Variants in COL27A1 observed in about 807,000 individuals in gnomAD.
COL27A1 encodes the protein collagen alpha-1(XXVII) chain.
Under a neutral mutation model 251.3 loss-of-function variants are expected in COL27A1, and 106 were observed. That is an observed-to-expected ratio of 0.42 (90% CI 0.36 to 0.50). The LOEUF (loss-of-function observed/expected upper bound fraction) is 0.50. Among genes scored for constraint, COL27A1 ranks in the 20% least tolerant of loss-of-function variants. COL27A1 has a pLI of 0.00. For missense variants in COL27A1, 2,325 were observed against 2,522.8 expected (o/e 0.92, Z 1.68); for synonymous variants, 1,000 against 986.3 (o/e 1.01, Z -0.26).
At chr9:114,253,807 GTTATTAGCAGCA>G (rs1303343766) in intron 27 of COL27A1, among the ~76,000 whole-genome samples, 1 of 152,278 alleles carries the variant, frequency 6.6e-6, no homozygotes, top group African/African-American at 2.4e-5. Context: ...AAGCATTTTG[GTTATTAGCAGCA>G]TTATTGCTTT....
rs575021256 is a variant in COL27A1 at position 114,209,766 on chromosome 9, A to T, written c.2322+38A>T. 23 of 1,599,154 alleles carry T rather than the reference A, an allele frequency of 1.4e-5. No individual in the cohort carries two copies. The South Asian group carries it at 2.4e-4, about 17-fold the overall frequency. ...CTTTGGTTATTCACCATCCACAGCC[A>T]CCCCTGCCCAAACAGAGCAGAACCT... On this transcript the variant is annotated intron_variant, in intron 11 of 60. Transcript: ENST00000356083.
chr9:114,178,153 G>T, intron 3 of COL27A1, 138 bp from the exon 4 acceptor site: 1 of 663,644 alleles, frequency 1.5e-6, no homozygotes, highest in Non-Finnish European at 2.7e-6. Context: ...CTCAGGGCAG[G>T]GACCTCAGGG....
intron 2 of COL27A1, among the ~76,000 whole-genome samples, chr9:114,166,073 C>T (rs528860700): frequency 1.3e-5 from 2 of 151,994 alleles, no homozygotes; most frequent in Admixed American, 6.6e-5. Flanking sequence ...ACCATCCATC[C>T]AGCCAGTCAT....
chr9:114,278,714 A>G (rs1336214432), intron 37 of COL27A1, among the ~76,000 whole-genome samples: 2 of 151,306 alleles, frequency 1.3e-5, no homozygotes, highest in African/African-American at 4.9e-5. Flanking sequence ...TTTTGCCATC[A>G]CTCCCATTTC....
At chr9:114,248,730 T>C (rs1423296867) in intron 24 of COL27A1, among the ~76,000 whole-genome samples, 7 of 152,202 alleles carry the variant, frequency 4.6e-5, no homozygotes, top group Non-Finnish European at 1.0e-4. Flanking sequence ...ATGGCTCTTA[T>C]TCATTAGGAT....
In COL27A1 at chr9:114,209,578, C is replaced by T. The variant is rs567464593; in HGVS notation, c.2269-97C>T. 5.4e-5 allele frequency: 60 copies of T among 1,111,878 alleles called. No homozygotes were observed. In the South Asian group the frequency reaches 5.4e-4, roughly 10 times the overall value. The allele number at this position is 1,111,878 out of a possible 1,614,324, so 68.9% of individuals were successfully genotyped here. On this transcript the variant is annotated intron_variant, in intron 10 of 60. Coordinates refer to ENST00000356083, the MANE Select transcript of COL27A1 (RefSeq NM_032888.4). ...GCCACCAGGGAGGAAGAGGAGGAGC[C>T]GGGATGTGGGATGGCAGTGGTGGGT... is the stretch of plus-strand genomic sequence containing the variant.
At chr9:114,242,793 T>C (rs985021160) in intron 22 of COL27A1, among the ~76,000 whole-genome samples, 1 of 152,264 alleles carries the variant, frequency 6.6e-6, no homozygotes, top group Non-Finnish European at 1.5e-5. Context: ...AGACTTTAAA[T>C]GTATTTATTC....
intron 12 of COL27A1, among the ~76,000 whole-genome samples, chr9:114,216,088 C>G (rs1004673420): frequency 2.6e-5 from 4 of 152,326 alleles, no homozygotes; most frequent in Non-Finnish European, 5.9e-5. Context: ...TGGCGAGGAC[C>G]GTCCCTGTCC....
chr9:114,205,931 C>A (rs1829921000), intron 9 of COL27A1, 119 bp downstream of exon 9: 1 of 911,630 alleles, frequency 1.1e-6, no homozygotes, highest in Non-Finnish European at 1.7e-6. Flanking sequence ...GCTGGGTGGA[C>A]CCTAAGGAGG....
At chr9:114,263,823 C>T (rs889141309) in intron 28 of COL27A1, among the ~76,000 whole-genome samples, 4 of 152,186 alleles carry the variant, frequency 2.6e-5, no homozygotes, top group African/African-American at 9.7e-5. Context: ...TGGGCTCTTC[C>T]TCTGTGAGCT....
intron 49 of COL27A1, among the ~76,000 whole-genome samples, chr9:114,296,250 T>C (rs558750391): frequency 6.6e-6 from 1 of 152,292 alleles, no homozygotes; most frequent in East Asian, 1.9e-4. Flanking sequence ...AGGACACTAT[T>C]AAGAGAATGA....
At chr9:114,219,902 TTTTAGGAGCC>T in intron 13 of COL27A1, 58 bp downstream of exon 13, 1 of 1,310,638 alleles carries the variant, frequency 7.6e-7, no homozygotes, top group Non-Finnish European at 1.1e-6. Context: ...ACACAGCAGA[TTTTAGGAGCC>T]CACGCTTTAG....
chr9:114,162,687 G>A (rs763487462), intron 1 of COL27A1, 28 bp from the exon 2 acceptor site: 65 of 1,568,160 alleles, frequency 4.1e-5, no homozygotes, highest in South Asian at 2.9e-4. Flanking sequence ...AGCTGATGCC[G>A]CCTCTGCTTG....
intron 5 of COL27A1, 62 bp downstream of exon 5, chr9:114,183,137 T>A: frequency 6.7e-7 from 1 of 1,497,968 alleles, no homozygotes; most frequent in Non-Finnish European, 9.3e-7. Flanking sequence ...ATGTTTGCAG[T>A]GCTTCCCAGG....
At chr9:114,164,493 A>G (rs1240219551) in intron 2 of COL27A1, among the ~76,000 whole-genome samples, 1 of 152,194 alleles carries the variant, frequency 6.6e-6, no homozygotes, top group Non-Finnish European at 1.5e-5. Context: ...CACCCAGTGG[A>G]TAGGGGAAAC....
chr9:114,233,563 C>T (rs778660760), intron 16 of COL27A1, among the ~76,000 whole-genome samples: 3 of 152,150 alleles, frequency 2.0e-5, no homozygotes, highest in Non-Finnish European at 4.4e-5. Flanking sequence ...GAGACATCAG[C>T]GCTCTGGAAA....
intron 3 of COL27A1, among the ~76,000 whole-genome samples, chr9:114,173,020 A>G (rs1849428757): frequency 1.3e-5 from 2 of 152,216 alleles, no homozygotes; most frequent in South Asian, 4.1e-4. Flanking sequence ...AGGGCACGAG[A>G]GCAACTGGCA....
At chr9:114,215,381 G>C (rs1210395282) in intron 12 of COL27A1, among the ~76,000 whole-genome samples, 1 of 152,206 alleles carries the variant, frequency 6.6e-6, no homozygotes, top group Non-Finnish European at 1.5e-5. Context: ...GCTGTGAGCT[G>C]GGGGTGTGGT....
chr9:114,210,589 C>T (rs575014284), intron 11 of COL27A1, among the ~76,000 whole-genome samples: 1 of 152,184 alleles, frequency 6.6e-6, no homozygotes, highest in Non-Finnish European at 1.5e-5. Context: ...TTCTCACAGA[C>T]CCCTGGCCCA....
Sources: gnomAD v4.1 joint callset for allele counts (sites outside exome capture counted in the v4.1 genomes callset) on GRCh38, gnomAD v4.1.1 for gene constraint, MANE v1.5 for transcripts, NCBI Gene and HGNC (gene_info 2026-07-23, HGNC 2026-07-21) for gene names.